The following SPART variants were observed in gnomAD, a reference collection of about 807,000 sequenced individuals.
The protein encoded by SPART is spartin.
A neutral mutation model predicts 58.7 loss-of-function variants in SPART; 35 were observed. The observed-to-expected ratio is 0.60, with a 90% CI of 0.46 to 0.79. SPART has a LOEUF of 0.79. Among genes scored for constraint, SPART ranks in the 30% least tolerant of loss-of-function variants. The probability of loss-of-function intolerance (pLI) is 0.00; values close to 1 mark genes in which losing one functional copy is unlikely to be tolerated. For missense variants in SPART, 730 were observed against 786.1 expected, an observed-to-expected ratio of 0.93 and a Z score of 0.85; for synonymous variants, 284 against 280.7, an observed-to-expected ratio of 1.01 and a Z score of -0.12.
At chr13:36,319,327 C>T (rs556336947) in intron 5 of SPART, among the ~76,000 whole-genome samples, 21 of 149,908 alleles carry the variant, frequency 1.4e-4, no homozygotes, top group Middle Eastern at 3.4e-3. Context: ...ATCCCCCCAC[C>T]TTAACCCACA....
chr13:36,317,642 A>G (rs1881875853), intron 5 of SPART, among the ~76,000 whole-genome samples: 1 of 150,954 alleles, frequency 6.6e-6, no homozygotes, highest in Non-Finnish European at 1.5e-5. Context: ...AGAACCCCGA[A>G]CCCCTTCCCT....
chr13:36,336,462 T>A (rs1884014961), intron 1 of SPART: 1 of 152,404 alleles, frequency 6.6e-6, no homozygotes, highest in African/African-American at 2.4e-5. Context: ...GAAAAGGTGT[T>A]CAACATACTA....
intron 1 of SPART, among the ~76,000 whole-genome samples, chr13:36,359,285 T>TTA (rs1173251357): frequency 2.0e-5 from 3 of 152,234 alleles, no homozygotes; most frequent in African/African-American, 7.2e-5. Context: ...TTGTGACTAG[T>TTA]AAGTGGTAAA....
chr13:36,310,966 TTC>T (rs1165930542), intron 8 of SPART, among the ~76,000 whole-genome samples: 5 of 152,236 alleles, frequency 3.3e-5, no homozygotes, highest in African/African-American at 1.2e-4. Flanking sequence ...AATAAAAAGT[TTC>T]TGTTATTTCG....
chr13:36,346,139 A>T (rs1454794392), intron 1 of SPART, 86 bp downstream of exon 1: 1 of 151,430 alleles, frequency 6.6e-6, no homozygotes, highest in African/African-American at 2.4e-5. Context: ...TCGCCCGCTC[A>T]GCCTCCCAGC....
At chr13:36,321,281 T>C (rs2137412705) in intron 5 of SPART, among the ~76,000 whole-genome samples, 1 of 152,324 alleles carries the variant, frequency 6.6e-6, no homozygotes, top group Non-Finnish European at 1.5e-5. Flanking sequence ...TTCCAAGCCA[T>C]CACAGCTGAT....
At chr13:36,304,852 A>G (rs184651247) in intron 8 of SPART, among the ~76,000 whole-genome samples, 4 of 152,340 alleles carry the variant, frequency 2.6e-5, no homozygotes, top group Middle Eastern at 3.4e-3. Flanking sequence ...GTGTGTGAAA[A>G]TAAACTCAGA....
rs781707358 is a variant in SPART at position 36,304,359 on chromosome 13, A to G, written c.*6T>C. 2 of 1,613,888 alleles carry G rather than the reference A, an allele frequency of 1.2e-6. No homozygotes were observed. Among genetic ancestry groups the G allele is most frequent in the Admixed American group, 3.3e-5 (2 of 60,002 alleles). On this transcript the variant is annotated 3_prime_UTR_variant, in exon 9 of 9. Coordinates refer to ENST00000438666, the MANE Select transcript of SPART (RefSeq NM_015087.5). ...GGCTTTGGTATAAGTGATTCCCAGC[A>G]CTTCATCATTTATCTTTCTTCTTTG... is the stretch of plus-strand genomic sequence containing the variant.
intron 1 of SPART, among the ~76,000 whole-genome samples, chr13:36,369,337 G>A (rs765149050): frequency 8.5e-5 from 13 of 152,064 alleles, no homozygotes; most frequent in African/African-American, 1.2e-4. Context: ...CTTCATAATC[G>A]TATATAGCGA....
intron 5 of SPART, among the ~76,000 whole-genome samples, chr13:36,317,724 C>T (rs1384917559): frequency 6.6e-6 from 1 of 152,038 alleles, no homozygotes; most frequent in Non-Finnish European, 1.5e-5. Context: ...CTCCATTCCT[C>T]CTTCTACTCC....
At chr13:36,316,019 G>A (rs899716995) in intron 5 of SPART, among the ~76,000 whole-genome samples, 3 of 152,206 alleles carry the variant, frequency 2.0e-5, no homozygotes, top group African/African-American at 7.2e-5. Flanking sequence ...CAGAAGATAA[G>A]GAAATGCAAT....
At chr13:36,362,907 C>T (rs1279775955) in intron 1 of SPART, among the ~76,000 whole-genome samples, 1 of 151,916 alleles carries the variant, frequency 6.6e-6, no homozygotes, top group African/African-American at 2.4e-5. Context: ...AGTAATTGTC[C>T]TCTGTATTAA....
chr13:36,329,594 G>T, intron 3 of SPART, 77 bp from the exon 4 acceptor site: 4 of 1,426,166 alleles, frequency 2.8e-6, no homozygotes, highest in Non-Finnish European at 3.9e-6. Context: ...ATTACACCAT[G>T]CTCAAATGAC....
intron 1 of SPART, among the ~76,000 whole-genome samples, chr13:36,340,335 C>G (rs1375360985): frequency 6.6e-6 from 1 of 151,824 alleles, no homozygotes; most frequent in African/African-American, 2.4e-5. Context: ...TGCACTCCAG[C>G]CTGGGCGACA....
chr13:36,344,035 TAAA>T (rs35639781), intron 1 of SPART, among the ~76,000 whole-genome samples: 1 of 129,858 alleles, frequency 7.7e-6, no homozygotes, highest in Non-Finnish European at 1.6e-5. Context: ...CTTGTCTCTT[TAAA>T]AAAAAAAAAA....
intron 2 of SPART, among the ~76,000 whole-genome samples, chr13:36,334,268 A>G (rs1883738008): frequency 6.6e-6 from 1 of 152,164 alleles, no homozygotes; most frequent in African/African-American, 2.4e-5. Context: ...CTAAATCCAC[A>G]GCAATGCCCT....
intron 1 of SPART, among the ~76,000 whole-genome samples, chr13:36,360,078 G>A (rs1404686929): frequency 6.6e-6 from 1 of 151,702 alleles, no homozygotes; most frequent in Admixed American, 6.6e-5. Context: ...GGCAGATCAC[G>A]AGGTCAGGAG....
intron 1 of SPART, among the ~76,000 whole-genome samples, chr13:36,356,277 C>T (rs767123255): frequency 2.0e-5 from 3 of 152,190 alleles, no homozygotes; most frequent in Non-Finnish European, 4.4e-5. Flanking sequence ...CCGTGCTTTA[C>T]AGCACTCTGC....
intron 2 of SPART, among the ~76,000 whole-genome samples, chr13:36,333,627 C>T (rs1424663246): frequency 6.6e-6 from 1 of 152,092 alleles, no homozygotes; most frequent in South Asian, 2.1e-4. Context: ...ATTAAATGCA[C>T]TAAGGACAAA....
Sources: allele counts gnomAD v4.1 joint callset (sites outside exome capture counted in the v4.1 genomes callset), GRCh38; gene constraint gnomAD v4.1.1; transcripts MANE v1.5; gene names NCBI Gene and HGNC (gene_info 2026-07-23, HGNC 2026-07-21).